UBE2E2: variants seen among roughly 807,000 people sequenced by gnomAD.
The protein encoded by UBE2E2 is ubiquitin conjugating enzyme E2 E2.
A neutral mutation model predicts 24.7 loss-of-function variants in UBE2E2; 6 were observed. The ratio of observed to expected loss-of-function variants is 0.24; its 90% CI spans 0.13 to 0.48. UBE2E2 has a LOEUF of 0.48. UBE2E2 is among the 20% of genes least tolerant of loss of function. The pLI is 0.99. For synonymous variants in UBE2E2, 104 were observed against 83.6 expected (o/e 1.24, Z -1.33); for missense variants, 169 against 245.0 (o/e 0.69, Z 2.07).
intron 5 of UBE2E2, among the ~76,000 whole-genome samples, chr3:23,578,508 G>C (rs1217024712): frequency 2.0e-5 from 3 of 152,180 alleles, no homozygotes; most frequent in Admixed American, 6.5e-5. Flanking sequence ...ACTCACAATA[G>C]CAAAGACATG....
At chr3:23,321,567 C>T (rs1324188706) in intron 3 of UBE2E2, among the ~76,000 whole-genome samples, 3 of 150,502 alleles carry the variant, frequency 2.0e-5, no homozygotes, top group Non-Finnish European at 4.4e-5. Context: ...CTCCTGGGAC[C>T]TACAGGAGAT....
At chr3:23,319,911 AG>A (rs1694699736) in intron 3 of UBE2E2, among the ~76,000 whole-genome samples, 1 of 152,184 alleles carries the variant, frequency 6.6e-6, no homozygotes, top group Non-Finnish European at 1.5e-5. Flanking sequence ...TCTGGCATCA[AG>A]GCTGATAGCT....
chr3:23,470,256 C>G (rs1022498639), intron 3 of UBE2E2, among the ~76,000 whole-genome samples: 3 of 152,150 alleles, frequency 2.0e-5, no homozygotes, highest in African/African-American at 2.4e-5. Context: ...CACTTCCCTC[C>G]TTGCTTCCTT....
rs565272305 is a variant in UBE2E2, at chr3:23,583,677, A to G, written c.509-6057A>G. ...GCTGTATTTTATTTTCTTTGTGGCT[A>G]TTGTGAATGGGATTGTGTTCTTGTT... On this transcript the variant is annotated intron_variant, in intron 5 of 5. Transcript: ENST00000396703. The surrounding 1 kb of genome is among the most constrained non-coding windows in gnomAD (Gnocchi z 4.1). Among the ~76,000 whole-genome samples, 221 of 152,140 alleles carry G rather than the reference A, an allele frequency of 1.5e-3. 1 individual carries two copies. Among genetic ancestry groups the G allele is most frequent in the African/African-American group, 5.1e-3 (212 of 41,516 alleles).
intron 3 of UBE2E2, among the ~76,000 whole-genome samples, chr3:23,420,181 C>T (rs887572346): frequency 1.3e-5 from 2 of 152,132 alleles, no homozygotes; most frequent in African/African-American, 2.4e-5. Flanking sequence ...AGCTCTTTGA[C>T]GGCAGTATCT....
chr3:23,253,226 A>G (rs935961823), intron 3 of UBE2E2, among the ~76,000 whole-genome samples: 24 of 152,358 alleles, frequency 1.6e-4, no homozygotes, highest in Non-Finnish European at 3.4e-4. Flanking sequence ...TTTAAAAAGT[A>G]TGTCTTTGGT....
intron 3 of UBE2E2, among the ~76,000 whole-genome samples, chr3:23,242,435 T>A (rs1424665078): frequency 7.8e-6 from 1 of 127,694 alleles, no homozygotes; most frequent in Non-Finnish European, 1.6e-5. Context: ...AGCCAAAATA[T>A]ACATTGAAAC....
At chr3:23,327,554 C>G (rs760824862) in intron 3 of UBE2E2, among the ~76,000 whole-genome samples, 1 of 152,312 alleles carries the variant, frequency 6.6e-6, no homozygotes, top group South Asian at 2.1e-4. Flanking sequence ...CTTGTATCAA[C>G]CAATACAGAA....
intron 3 of UBE2E2, among the ~76,000 whole-genome samples, chr3:23,265,159 T>A (rs1698011803): frequency 6.6e-6 from 1 of 152,180 alleles, no homozygotes; most frequent in African/African-American, 2.4e-5. Context: ...TCAGACTGAT[T>A]ATATGCTATG....
intron 3 of UBE2E2, among the ~76,000 whole-genome samples, chr3:23,444,947 G>C (rs1000837306): frequency 7.2e-5 from 11 of 152,100 alleles, no homozygotes; most frequent in African/African-American, 2.4e-4. Context: ...TTCAGATTAG[G>C]TATTAATTCT....
At chr3:23,297,899 T>C (rs1044368606) in intron 3 of UBE2E2, among the ~76,000 whole-genome samples, 18 of 152,088 alleles carry the variant, frequency 1.2e-4, no homozygotes, top group South Asian at 4.2e-4. Context: ...TTTCACGATA[T>C]TGATTCTTCC....
chr3:23,346,711 CT>C (rs1195857123), intron 3 of UBE2E2, among the ~76,000 whole-genome samples: 1 of 152,256 alleles, frequency 6.6e-6, no homozygotes, highest in Non-Finnish European at 1.5e-5. Flanking sequence ...AAAATGTAGA[CT>C]TTTCCTTTCT....
chr3:23,554,035 T>A (rs1197029999), intron 5 of UBE2E2, among the ~76,000 whole-genome samples: 5 of 150,026 alleles, frequency 3.3e-5, no homozygotes, highest in Non-Finnish European at 5.9e-5. Context: ...CACATAAATT[T>A]AAAAAAAAAA....
At chr3:23,259,379 A>C (rs1173963462) in intron 3 of UBE2E2, among the ~76,000 whole-genome samples, 1 of 152,090 alleles carries the variant, frequency 6.6e-6, no homozygotes, top group African/African-American at 2.4e-5. Context: ...TTTTCTGTAA[A>C]TATTTAGTGA....
At chr3:23,338,809 G>A (rs539037648) in intron 3 of UBE2E2, among the ~76,000 whole-genome samples, 5 of 152,084 alleles carry the variant, frequency 3.3e-5, no homozygotes, top group Non-Finnish European at 7.3e-5. Flanking sequence ...CGGGAGAAAG[G>A]AACACACTTT....
At chr3:23,482,666 A>AT (rs201850082) in intron 3 of UBE2E2, among the ~76,000 whole-genome samples, 2,203 of 151,482 alleles carry the variant, frequency 0.015, 53 homozygotes, top group African/African-American at 0.051. Context: ...GATTATTATT[A>AT]TTTTTTTTTA....
At chr3:23,430,227 G>C (rs747179194) in intron 3 of UBE2E2, among the ~76,000 whole-genome samples, 2 of 152,118 alleles carry the variant, frequency 1.3e-5, no homozygotes, top group Non-Finnish European at 2.9e-5. Flanking sequence ...TAATAGCGCA[G>C]CTTATTCTAT....
intron 5 of UBE2E2, among the ~76,000 whole-genome samples, chr3:23,537,593 A>G (rs1211186666): frequency 6.6e-6 from 1 of 152,206 alleles, no homozygotes; most frequent in Non-Finnish European, 1.5e-5. Flanking sequence ...ATTTGCTCCC[A>G]GTGGCTCTTT....
At chr3:23,426,270 C>T (rs778492) in intron 3 of UBE2E2, among the ~76,000 whole-genome samples, 22,833 of 151,878 alleles carry the variant, frequency 0.15, 1,926 homozygotes, top group East Asian at 0.23. Context: ...ATAGGTGTAT[C>T]ATATGCATGA....
Sources: gnomAD v4.1 joint callset for allele counts (sites outside exome capture counted in the v4.1 genomes callset) on GRCh38, gnomAD v4.1.1 for gene constraint, Gnocchi (gnomAD v3.1) non-coding constraint, MANE v1.5 for transcripts, NCBI Gene and HGNC (gene_info 2026-07-23, HGNC 2026-07-21) for gene names.